SH3GL3: variants seen among roughly 807,000 people sequenced by gnomAD.
SH3GL3 encodes SH3 domain containing GRB2 like 3, endophilin A3.
Under a neutral mutation model 47.7 loss-of-function variants are expected in SH3GL3, and 33 were observed. The ratio of observed to expected loss-of-function variants is 0.69; its 90% CI spans 0.52 to 0.92. SH3GL3 has a LOEUF of 0.92. SH3GL3 is among the 40% of genes least tolerant of loss of function. The pLI is 0.00. For synonymous variants in SH3GL3, 155 were observed against 148.8 expected, an observed-to-expected ratio of 1.04 and a Z score of -0.30; for missense variants, 363 against 417.8, an observed-to-expected ratio of 0.87 and a Z score of 1.14.
intron 8 of SH3GL3, among the ~76,000 whole-genome samples, chr15:83,609,618 A>T (rs2060612358): frequency 2.0e-5 from 3 of 152,110 alleles, no homozygotes; most frequent in Non-Finnish European, 4.4e-5. Context: ...GGATGCTCTG[A>T]CCGAATGCTT....
chr15:83,469,198 G>C (rs930597758), intron 1 of SH3GL3, among the ~76,000 whole-genome samples: 2 of 151,988 alleles, frequency 1.3e-5, no homozygotes, highest in African/African-American at 4.8e-5. Flanking sequence ...CCTGATAATG[G>C]TAATTTTTGT....
At chr15:83,516,341 A>G (rs1449950249) in intron 1 of SH3GL3, among the ~76,000 whole-genome samples, 1 of 152,188 alleles carries the variant, frequency 6.6e-6, no homozygotes, top group Non-Finnish European at 1.5e-5. Context: ...TTCCCAGCAA[A>G]ATAACGACTA....
chr15:83,555,186 A>G (rs188824043), intron 1 of SH3GL3, among the ~76,000 whole-genome samples: 17 of 152,266 alleles, frequency 1.1e-4, no homozygotes, highest in Admixed American at 1.1e-3. Context: ...TTATGACTAT[A>G]TAATACTTTT....
intron 8 of SH3GL3, among the ~76,000 whole-genome samples, chr15:83,614,109 A>G (rs1043787141): frequency 1.3e-5 from 2 of 152,200 alleles, no homozygotes; most frequent in Non-Finnish European, 2.9e-5. Flanking sequence ...CTTGGTTTTC[A>G]GTGCTCAGCC....
intron 2 of SH3GL3, among the ~76,000 whole-genome samples, chr15:83,560,695 A>G (rs2045222749): frequency 6.6e-6 from 1 of 152,218 alleles, no homozygotes; most frequent in East Asian, 1.9e-4. Flanking sequence ...GCATGGAAAC[A>G]TATAATACAT....
intron 1 of SH3GL3, among the ~76,000 whole-genome samples, chr15:83,510,324 T>G (rs1171721912): frequency 6.6e-6 from 1 of 152,224 alleles, no homozygotes; most frequent in Non-Finnish European, 1.5e-5. Context: ...GTGCCTCTTA[T>G]TGTTTGGAAG....
chr15:83,598,760 A>G (rs964096170), intron 8 of SH3GL3, among the ~76,000 whole-genome samples: 2 of 152,160 alleles, frequency 1.3e-5, no homozygotes, highest in African/African-American at 4.8e-5. Flanking sequence ...AGTATTTTTA[A>G]TGTTCAATTT....
chr15:83,599,708 C>G (rs1013124845), intron 8 of SH3GL3, among the ~76,000 whole-genome samples: 1 of 152,078 alleles, frequency 6.6e-6, no homozygotes, highest in African/African-American at 2.4e-5. Context: ...GGGTAGATAC[C>G]CAGTAGTGGG....
At chr15:83,529,500 G>A (rs2043570157) in intron 1 of SH3GL3, among the ~76,000 whole-genome samples, 2 of 152,136 alleles carry the variant, frequency 1.3e-5, no homozygotes, top group Admixed American at 6.5e-5. Flanking sequence ...AAAGATACCA[G>A]TGGTGGTGGA....
intron 1 of SH3GL3, among the ~76,000 whole-genome samples, chr15:83,556,307 A>G (rs2044956827): frequency 6.6e-6 from 1 of 152,262 alleles, no homozygotes; most frequent in Non-Finnish European, 1.5e-5. Flanking sequence ...CTAATGCTAT[A>G]TGTGTATTTA....
chr15:83,572,497 A>G, intron 4 of SH3GL3, 68 bp from the exon 5 acceptor site: 1 of 1,352,878 alleles, frequency 7.4e-7, no homozygotes, highest in East Asian at 2.3e-5. Flanking sequence ...AAAGAATGAA[A>G]TAAATAGCAC....
At chr15:83,505,623 G>A (rs1052043827) in intron 1 of SH3GL3, among the ~76,000 whole-genome samples, 1 of 146,824 alleles carries the variant, frequency 6.8e-6, no homozygotes, top group African/African-American at 2.5e-5. Context: ...TACCTCCTAA[G>A]TTCAAGCGAT....
intron 8 of SH3GL3, among the ~76,000 whole-genome samples, chr15:83,609,680 G>T (rs2060613505): frequency 6.6e-6 from 1 of 152,140 alleles, no homozygotes; most frequent in African/African-American, 2.4e-5. Context: ...AAGCACAGTG[G>T]GCTCCTTCGG....
the SH3GL3 span, among the ~76,000 whole-genome samples, chr15:83,627,114 G>A: frequency 6.6e-6 from 1 of 151,920 alleles, no homozygotes; most frequent in South Asian, 2.1e-4. Context: ...AGAAGAAAAG[G>A]GGCTGGGCGC....
chr15:83,460,023 CCCCTCCCTCCCTCCCT>C (rs1202681567), intron 1 of SH3GL3, among the ~76,000 whole-genome samples: 3 of 32,136 alleles, frequency 9.3e-5, no homozygotes, highest in Non-Finnish European at 1.6e-4. Context: ...CCCGTCCCCT[CCCCTCCCTCCCTCCCT>C]CCCTCCCTCC....
intron 8 of SH3GL3, among the ~76,000 whole-genome samples, chr15:83,603,625 A>G (rs763795928): frequency 6.6e-6 from 1 of 152,170 alleles, no homozygotes; most frequent in Non-Finnish European, 1.5e-5. Flanking sequence ...TTTCCAATGC[A>G]TTAGGAACCA....
intron 1 of SH3GL3, among the ~76,000 whole-genome samples, chr15:83,518,432 T>G (rs1441437645): frequency 1.3e-5 from 2 of 152,246 alleles, no homozygotes; most frequent in African/African-American, 4.8e-5. Context: ...ATAGTCTTTC[T>G]GACTGGTGTG....
chr15:83,516,518 G>T (rs938520061), intron 1 of SH3GL3, among the ~76,000 whole-genome samples: 1 of 152,176 alleles, frequency 6.6e-6, no homozygotes, highest in Admixed American at 6.5e-5. Flanking sequence ...CAGGAAGCAT[G>T]GTGCTGGCAT....
chr15:83,599,677 A>G (rs1050908318), intron 8 of SH3GL3, among the ~76,000 whole-genome samples: 4 of 152,202 alleles, frequency 2.6e-5, no homozygotes, highest in African/African-American at 9.7e-5. Flanking sequence ...TCTTTTTTGT[A>G]TAATGACTTC....
Sources: allele counts gnomAD v4.1 joint callset (sites outside exome capture counted in the v4.1 genomes callset), GRCh38; gene constraint gnomAD v4.1.1; transcripts MANE v1.5; gene names NCBI Gene and HGNC (gene_info 2026-07-23, HGNC 2026-07-21).